The following WDR12 variants were observed in gnomAD, a reference collection of about 807,000 sequenced individuals.
The protein encoded by WDR12 is ribosome biogenesis protein WDR12.
WDR12 carries 42 observed loss-of-function variants against 64.3 expected under a neutral mutation model. The ratio of observed to expected loss-of-function variants is 0.65; its 90% CI spans 0.51 to 0.84. The LOEUF is 0.84. WDR12 is among the 40% of genes least tolerant of loss of function. The probability of loss-of-function intolerance (pLI) is 0.00; values close to 1 mark genes in which losing one functional copy is unlikely to be tolerated. For missense variants in WDR12, 469 were observed against 494.6 expected, an observed-to-expected ratio of 0.95 and a Z score of 0.49; for synonymous variants, 158 against 173.3, an observed-to-expected ratio of 0.91 and a Z score of 0.70.
intron 8 of WDR12, among the ~76,000 whole-genome samples, chr2:202,888,674 G>A (rs1688093914): frequency 6.6e-6 from 1 of 152,064 alleles, no homozygotes; most frequent in Non-Finnish European, 1.5e-5. Flanking sequence ...TTTTTGATAT[G>A]TTTTTTCTCT....
At chr2:202,884,600 T>C (rs535826636) in intron 8 of WDR12, 65 bp from the exon 9 acceptor site, 48 of 1,483,114 alleles carry the variant, frequency 3.2e-5, no homozygotes, top group Non-Finnish European at 1.2e-5. Flanking sequence ...ACAATAATAG[T>C]ACTTATTACT....
chr2:202,893,517 T>C (rs1194683351), intron 7 of WDR12, among the ~76,000 whole-genome samples: 1 of 152,180 alleles, frequency 6.6e-6, no homozygotes, highest in Non-Finnish European at 1.5e-5. Context: ...TTGTAAAATC[T>C]ACTAAAACGG....
rs1687858836 is a variant in WDR12 at position 202,876,356 on chromosome 2, TA to T, written c.*4503del. Reference sequence around the variant, plus strand: ...GATGGCAGAGCTAGACTATGTCTCGTAAAAAGAGATATATTTGGTTCATATA... The same window carrying T: ...GATGGCAGAGCTAGACTATGTCTCGTAAAAGAGATATATTTGGTTCATATA... On this transcript the variant is annotated 3_prime_UTR_variant, in exon 13 of 13. Coordinates refer to ENST00000261015, the MANE Select transcript of WDR12 (RefSeq NM_018256.4). 6.6e-6 allele frequency: 1 copy of T among 152,196 alleles called. No individual in the cohort carries two copies. Among genetic ancestry groups the T allele is most frequent in the Admixed American group, 6.5e-5 (1 of 15,280 alleles). The allele number at this position is 152,196 out of a possible 1,614,324, so 9.4% of individuals were successfully genotyped here. A position where few individuals can be genotyped will look rare whatever the true frequency, so the allele number is the denominator to read the frequency against.
At chr2:202,892,781 C>T (rs1688177024) in intron 7 of WDR12, 79 bp from the exon 8 acceptor site, 4 of 1,052,198 alleles carry the variant, frequency 3.8e-6, no homozygotes, top group Non-Finnish European at 5.6e-6. Flanking sequence ...TTTACATTTC[C>T]AGATATAGTT....
intron 12 of WDR12, among the ~76,000 whole-genome samples, chr2:202,882,411 C>T (rs1687970695): frequency 6.6e-6 from 1 of 151,990 alleles, no homozygotes; most frequent in Non-Finnish European, 1.5e-5. Context: ...TCACTGCAAG[C>T]TCCGCCTCCT....
At chr2:202,882,360 AGT>A (rs1484333166) in intron 12 of WDR12, among the ~76,000 whole-genome samples, 1 of 151,774 alleles carries the variant, frequency 6.6e-6, no homozygotes, top group African/African-American at 2.4e-5. Flanking sequence ...CTTGAGATGG[AGT>A]CTATCTCCCA....
chr2:202,892,164 T>C (rs913170130), intron 8 of WDR12, among the ~76,000 whole-genome samples: 3 of 152,226 alleles, frequency 2.0e-5, no homozygotes, highest in Admixed American at 6.5e-5. Context: ...TAATGGAATC[T>C]AACAGCTAAA....
Position 202,893,245 on chromosome 2 carries a change from A to C in WDR12, c.656-543T>G, listed in dbSNP as rs181005475. 3.3e-3 allele frequency among the ~76,000 whole-genome samples: 500 copies of C among 152,234 alleles called. 1 individual carries two copies. The highest frequency in any genetic ancestry group is 0.012 in the African/African-American group (482 of 41,560). Reference sequence around the variant, plus strand: ...TAAAATATGCAACATTAAATATGTAATGTATGTTACATTATATGTTATATA... The same window carrying C: ...TAAAATATGCAACATTAAATATGTACTGTATGTTACATTATATGTTATATA... On this transcript the variant is annotated intron_variant, in intron 7 of 12. Coordinates refer to ENST00000261015, the MANE Select transcript of WDR12 (RefSeq NM_018256.4).
In WDR12 at chr2:202,878,070, G is replaced by C. The variant is rs1159146687; in HGVS notation, c.*2790C>G. ...AGGAGTTTGGCAGGGATTGATCAGA[G>C]ACAATACTTGTCCAAGAGACTTGGT... On this transcript the variant is annotated 3_prime_UTR_variant, in exon 13 of 13. Coordinates refer to ENST00000261015, the MANE Select transcript of WDR12 (RefSeq NM_018256.4). 15 of 152,290 alleles carry C rather than the reference G, an allele frequency of 9.8e-5. No homozygotes were observed. The East Asian group carries it at 2.9e-3, about 29-fold the overall frequency. The allele number at this position is 152,290 out of a possible 1,614,324, so 9.4% of individuals were successfully genotyped here.
chr2:202,886,534 C>A (rs967024532), intron 8 of WDR12, among the ~76,000 whole-genome samples: 4 of 151,546 alleles, frequency 2.6e-5, no homozygotes, highest in African/African-American at 9.7e-5. Flanking sequence ...TTTGGGAGGC[C>A]GAGGTGGGTG....
intron 8 of WDR12, among the ~76,000 whole-genome samples, chr2:202,885,691 T>C (rs1688034478): frequency 6.6e-6 from 1 of 152,186 alleles, no homozygotes; most frequent in African/African-American, 2.4e-5. Flanking sequence ...CAATCTCTAA[T>C]GTCTTTCTAA....
chr2:202,897,211 C>T, intron 5 of WDR12, 89 bp downstream of exon 5: 3 of 806,096 alleles, frequency 3.7e-6, no homozygotes, highest in East Asian at 5.6e-5. Context: ...ATACTTCCCA[C>T]CCACTCCCCA....
chr2:202,885,987 T>G (rs1319249658), intron 8 of WDR12, among the ~76,000 whole-genome samples: 1 of 152,096 alleles, frequency 6.6e-6, no homozygotes, highest in Non-Finnish European at 1.5e-5. Context: ...AGCCCAGCAG[T>G]TTGAGGCTAC....
rs1687832669 is a variant in WDR12 at position 202,875,009 on chromosome 2, T to G, written c.*5851A>C. On this transcript the variant is annotated 3_prime_UTR_variant, in exon 13 of 13. Coordinates refer to ENST00000261015, the MANE Select transcript of WDR12 (RefSeq NM_018256.4). The stretch of plus-strand genomic sequence containing the variant: ...TATACATAGAATTGTTTGACATGTT[T>G]CTAAACTTTGTATCAGATAGTACCT... 1 of 152,202 alleles carries G rather than the reference T, an allele frequency of 6.6e-6. No homozygotes were observed. 9.4% of individuals were successfully genotyped at this position (152,202 alleles called of 1,614,324 possible).
intron 1 of WDR12, among the ~76,000 whole-genome samples, chr2:202,908,870 A>G (rs1414679624): frequency 1.3e-5 from 2 of 152,240 alleles, no homozygotes; most frequent in African/African-American, 2.4e-5. Context: ...TATCTAGACT[A>G]TATTAAGAAC....
intron 8 of WDR12, among the ~76,000 whole-genome samples, chr2:202,889,508 C>T (rs1279302322): frequency 1.3e-5 from 2 of 151,488 alleles, no homozygotes; most frequent in African/African-American, 2.4e-5. Context: ...AAATGAATAA[C>T]AACAACTTAA....
chr2:202,899,141 C>T (rs57289596), intron 4 of WDR12, among the ~76,000 whole-genome samples: 47,621 of 148,292 alleles, frequency 0.32, 8,447 homozygotes, highest in East Asian at 0.61. Context: ...CTCCCAGGTT[C>T]ACGCCATTCT....
At chr2:202,883,282 T>C (rs956501859) in intron 11 of WDR12, among the ~76,000 whole-genome samples, 2 of 151,772 alleles carry the variant, frequency 1.3e-5, no homozygotes, top group Non-Finnish European at 2.9e-5. Flanking sequence ...ATTACAGGAG[T>C]GCGCCATCAT....
chr2:202,899,380 T>C lies in WDR12; in HGVS notation c.338+151A>G, dbSNP rs540680463. The stretch of plus-strand genomic sequence containing the variant: ...CTTGAAGACACTGAATGAAAAGATC[T>C]TTCTGTTTGCCATGGCCACTGATAC... On this transcript the variant is annotated intron_variant, in intron 4 of 12. Transcript: ENST00000261015. 4.6e-6 allele frequency: 3 copies of C among 655,496 alleles called. No individual in the cohort carries two copies. The African/African-American group carries it at 5.5e-5, about 12-fold the overall frequency. 40.6% of individuals were successfully genotyped at this position (655,496 alleles called of 1,614,324 possible). A position where few individuals can be genotyped will look rare whatever the true frequency, so the allele number is the denominator to read the frequency against.
Sources: allele counts gnomAD v4.1 joint callset (sites outside exome capture counted in the v4.1 genomes callset), GRCh38; gene constraint gnomAD v4.1.1; transcripts MANE v1.5; gene names NCBI Gene and HGNC (gene_info 2026-07-23, HGNC 2026-07-21).